The following NCALD variants were observed in gnomAD, a reference collection of about 807,000 sequenced individuals.
NCALD encodes the protein neurocalcin-delta.
A neutral mutation model predicts 18.6 loss-of-function variants in NCALD; 10 were observed. The observed-to-expected ratio is 0.54, with a 90% CI of 0.33 to 0.91. The LOEUF (loss-of-function observed/expected upper bound fraction) is 0.91. Among genes scored for constraint, NCALD ranks in the 40% least tolerant of loss-of-function variants. The pLI, the probability that NCALD is intolerant of heterozygous loss-of-function variation, is 0.03. For missense variants in NCALD, 184 were observed against 247.6 expected (o/e 0.74, Z 1.72); for synonymous variants, 88 against 87.4 (o/e 1.01, Z -0.04).
intron 4 of NCALD, among the ~76,000 whole-genome samples, chr8:101,871,348 T>G (rs976299580): frequency 1.3e-5 from 2 of 152,172 alleles, no homozygotes; most frequent in African/African-American, 4.8e-5. Flanking sequence ...TACAGAAGTT[T>G]TTTTCCAATC....
At chr8:101,750,451 T>C (rs1040615464) in intron 1 of NCALD, 5 of 152,266 alleles carry the variant, frequency 3.3e-5, no homozygotes, top group South Asian at 2.1e-4. Context: ...AAGGTCTGTA[T>C]ATTTGTAGCC....
rs541185498 is a variant in NCALD at position 101,987,698 on chromosome 8, C to G, written c.-157+32539G>C. ...ACATCCATTTTACTAGATGGATATT[C>G]CAGAGTCCAAGATGTATTACATCTT... On this transcript the variant is annotated intron_variant, in intron 2 of 6. Coordinates refer to the NCALD transcript ENST00000311028. 3.9e-5 allele frequency among the ~76,000 whole-genome samples: 6 copies of G among 152,236 alleles called. No individual in the cohort carries two copies. The South Asian group carries it at 1.2e-3, about 32-fold the overall frequency.
intron 2 of NCALD, among the ~76,000 whole-genome samples, chr8:101,931,166 G>A (rs1818557904): frequency 6.6e-6 from 1 of 152,122 alleles, no homozygotes; most frequent in Admixed American, 6.5e-5. Context: ...CTCATTATCT[G>A]GGTTCCAAGA....
chr8:102,016,593 T>C (rs189543389), intron 2 of NCALD, among the ~76,000 whole-genome samples: 79 of 152,304 alleles, frequency 5.2e-4, no homozygotes, highest in African/African-American at 1.8e-3. Context: ...TTGGAGTCTG[T>C]TACACTGAAG....
chr8:102,051,456 T>C (rs1166269350), intron 1 of NCALD, among the ~76,000 whole-genome samples: 1 of 152,192 alleles, frequency 6.6e-6, no homozygotes, highest in Non-Finnish European at 1.5e-5. Flanking sequence ...TCACAGTTTC[T>C]AATCCTGTCA....
At chr8:101,809,316 C>T (rs557148855) in intron 4 of NCALD, among the ~76,000 whole-genome samples, 2 of 152,252 alleles carry the variant, frequency 1.3e-5, no homozygotes, top group East Asian at 3.9e-4. Flanking sequence ...TTCACCCTGC[C>T]TGCCTGCCTT....
intron 2 of NCALD, among the ~76,000 whole-genome samples, chr8:101,955,164 A>G (rs1182200798): frequency 2.6e-5 from 4 of 152,232 alleles, no homozygotes; most frequent in Non-Finnish European, 5.9e-5. Context: ...AAGAGAAAGT[A>G]TCGCCAAATG....
intron 1 of NCALD, among the ~76,000 whole-genome samples, chr8:101,724,917 TGAA>T (rs1234905845): frequency 3.3e-5 from 5 of 152,246 alleles, no homozygotes; most frequent in Admixed American, 6.5e-5. Flanking sequence ...AAAGAAGTAG[TGAA>T]GAAGAAGGAG....
rs146327950 is a variant in NCALD, at chr8:101,917,225, C to T, written c.-156-1367G>A. Among the ~76,000 whole-genome samples, 1,337 of 152,138 alleles carry T rather than the reference C, an allele frequency of 8.8e-3. 8 individuals are homozygous for T. The highest frequency in any genetic ancestry group is 0.014 in the Non-Finnish European group (933 of 67,920). The stretch of plus-strand genomic sequence containing the variant: ...ATTGCAAAATTACATGAAAATTTAA[C>T]AACTTGTTTCTGAGTGGCTTTCAGT... On this transcript the variant is annotated intron_variant, in intron 2 of 6. Coordinates refer to the NCALD transcript ENST00000311028.
At chr8:101,851,302 C>T (rs1815081463) in intron 4 of NCALD, among the ~76,000 whole-genome samples, 1 of 151,820 alleles carries the variant, frequency 6.6e-6, no homozygotes, top group Admixed American at 6.6e-5. Flanking sequence ...AAGTTGCAAG[C>T]ATCTTATGAA....
chr8:101,837,033 C>T (rs1249123311), intron 4 of NCALD, among the ~76,000 whole-genome samples: 1 of 152,082 alleles, frequency 6.6e-6, no homozygotes, highest in Non-Finnish European at 1.5e-5. Context: ...TGTTCTTAAG[C>T]CCAGCACCAG....
At chr8:102,122,232 G>A (rs1042104511) in intron 1 of NCALD, among the ~76,000 whole-genome samples, 6 of 152,316 alleles carry the variant, frequency 3.9e-5, no homozygotes, top group South Asian at 4.1e-4. Context: ...TAGATGCTGC[G>A]ACTCAGTGGC....
intron 4 of NCALD, among the ~76,000 whole-genome samples, chr8:101,861,774 T>C (rs998975549): frequency 1.3e-5 from 2 of 152,176 alleles, no homozygotes; most frequent in Non-Finnish European, 2.9e-5. Context: ...TGAGACCCTA[T>C]GCATTTGTAA....
intron 1 of NCALD, among the ~76,000 whole-genome samples, chr8:102,070,885 T>C (rs1030816786): frequency 3.3e-5 from 5 of 152,258 alleles, no homozygotes; most frequent in Middle Eastern, 3.4e-3. Flanking sequence ...TTAATACGAC[T>C]TCACTCACAA....
intron 1 of NCALD, among the ~76,000 whole-genome samples, chr8:101,755,925 G>A (rs541379444): frequency 3.3e-5 from 5 of 152,326 alleles, no homozygotes; most frequent in African/African-American, 9.6e-5. Context: ...CAGGTTAAAT[G>A]CTACTATGAG....
chr8:101,864,897 G>A (rs1272208473), intron 4 of NCALD, among the ~76,000 whole-genome samples: 1 of 152,116 alleles, frequency 6.6e-6, no homozygotes, highest in Non-Finnish European at 1.5e-5. Flanking sequence ...CGCCCAGCTG[G>A]ATTGTTCCAA....
intron 3 of NCALD, among the ~76,000 whole-genome samples, chr8:101,910,619 G>C (rs1348555483): frequency 1.3e-5 from 2 of 152,280 alleles, no homozygotes; most frequent in East Asian, 3.9e-4. Flanking sequence ...AATGTACAAA[G>C]ATACTATTTA....
rs546400258 is a variant in NCALD at position 102,017,353 on chromosome 8, TA to T, written c.-157+2883del. On this transcript the variant is annotated intron_variant, in intron 2 of 6. Transcript: ENST00000311028. ...ATAAAGCTTAAAGCTTTAAAATTTC[TA>T]AAAAAAAAAATAAGAAAATCTTTGC... 9.6e-4 allele frequency among the ~76,000 whole-genome samples: 141 copies of T among 147,368 alleles called. 1 individual carries two copies. The highest frequency in any genetic ancestry group is 1.8e-3 in the African/African-American group (73 of 40,374).
intron 4 of NCALD, among the ~76,000 whole-genome samples, chr8:101,799,578 T>G (rs1218224973): frequency 6.6e-6 from 1 of 152,220 alleles, no homozygotes; most frequent in Non-Finnish European, 1.5e-5. Flanking sequence ...CACAATGGAA[T>G]ACTACTTAGT....
Sources: allele counts gnomAD v4.1 joint callset (sites outside exome capture counted in the v4.1 genomes callset), GRCh38; gene constraint gnomAD v4.1.1; transcripts MANE v1.5; gene names NCBI Gene and HGNC (gene_info 2026-07-23, HGNC 2026-07-21).